Variants in DCDC1 observed in about 807,000 individuals in gnomAD.
DCDC1 encodes doublecortin domain-containing protein 1.
A neutral mutation model predicts 178.3 loss-of-function variants in DCDC1; 200 were observed. That is an observed-to-expected ratio of 1.12 (90% CI 1.00 to 1.26). The LOEUF (loss-of-function observed/expected upper bound fraction) is 1.26. Among genes scored for constraint, DCDC1 ranks in the 50% most tolerant of loss-of-function variants. The pLI is 0.00. For synonymous variants in DCDC1, 690 were observed against 604.8 expected, an observed-to-expected ratio of 1.14 and a Z score of -2.07; for missense variants, 1,983 against 1,749.2, an observed-to-expected ratio of 1.13 and a Z score of -2.38.
chr11:31,223,465 A>G (rs1974525815), intron 9 of DCDC1, among the ~76,000 whole-genome samples: 1 of 152,210 alleles, frequency 6.6e-6, no homozygotes, highest in Admixed American at 6.5e-5. Flanking sequence ...TGCATACTGC[A>G]TACTTTTTTC....
chr11:30,871,303 G>C (rs1220082906), intron 38 of DCDC1, among the ~76,000 whole-genome samples: 2 of 152,100 alleles, frequency 1.3e-5, no homozygotes, highest in Non-Finnish European at 2.9e-5. Flanking sequence ...GTCAAGAGCA[G>C]GAATGGCAGA....
At chr11:30,868,677 A>G (rs1373960150) in intron 38 of DCDC1, among the ~76,000 whole-genome samples, 1 of 152,106 alleles carries the variant, frequency 6.6e-6, no homozygotes, top group Non-Finnish European at 1.5e-5. Context: ...CTTGTTTGGA[A>G]ATCTTCTAAA....
intron 9 of DCDC1, among the ~76,000 whole-genome samples, chr11:31,188,920 C>T (rs752692083): frequency 6.6e-6 from 1 of 152,076 alleles, no homozygotes; most frequent in African/African-American, 2.4e-5. Flanking sequence ...GAGGGCTTTA[C>T]CCTCATGAAT....
At chr11:31,286,624 A>C (rs1390741113) in intron 7 of DCDC1, among the ~76,000 whole-genome samples, 1 of 152,088 alleles carries the variant, frequency 6.6e-6, no homozygotes, top group Non-Finnish European at 1.5e-5. Context: ...GATTTAGCAG[A>C]CCAGAAAAGT....
chr11:30,920,716 G>A (rs1946190427), intron 25 of DCDC1, 60 bp downstream of exon 25: 6 of 1,585,512 alleles, frequency 3.8e-6, no homozygotes, highest in Non-Finnish European at 4.3e-6. Context: ...CTGTTATCGG[G>A]CTAATGAGCT....
chr11:30,912,706 T>A (rs1309458032), intron 27 of DCDC1, among the ~76,000 whole-genome samples: 1 of 152,196 alleles, frequency 6.6e-6, no homozygotes, highest in Non-Finnish European at 1.5e-5. Flanking sequence ...AACCATACCT[T>A]TTTTAATGAG....
intron 7 of DCDC1, among the ~76,000 whole-genome samples, chr11:31,281,297 GAA>G (rs1456834327): frequency 6.6e-6 from 1 of 151,992 alleles, no homozygotes; most frequent in African/African-American, 2.4e-5. Context: ...AAGCTGAAAT[GAA>G]AAGAGAGGAC....
intron 3 of DCDC1, among the ~76,000 whole-genome samples, chr11:31,309,985 C>T (rs184049480): frequency 6.6e-6 from 1 of 152,050 alleles, no homozygotes; most frequent in African/African-American, 2.4e-5. Context: ...TTTTGTTTGT[C>T]ACACACATCT....
At chr11:31,154,131 A>G (rs1441306470) in intron 9 of DCDC1, among the ~76,000 whole-genome samples, 1 of 152,196 alleles carries the variant, frequency 6.6e-6, no homozygotes, top group Non-Finnish European at 1.5e-5. Flanking sequence ...CTGCTCCGGC[A>G]TGTGAAGAAG....
chr11:30,897,911 AC>A (rs1265984228), intron 34 of DCDC1, among the ~76,000 whole-genome samples: 1 of 152,196 alleles, frequency 6.6e-6, no homozygotes. Flanking sequence ...AAACCACATT[AC>A]CCTAGGCTTG....
intron 1 of DCDC1, among the ~76,000 whole-genome samples, chr11:31,350,536 A>T (rs1039651725): frequency 2.6e-5 from 4 of 152,106 alleles, no homozygotes; most frequent in African/African-American, 9.7e-5. Flanking sequence ...GGTAATTAAA[A>T]TTACTATTAA....
intron 33 of DCDC1, 48 bp from the exon 34 acceptor site, chr11:30,899,690 G>C: frequency 7.9e-7 from 1 of 1,273,106 alleles, no homozygotes; most frequent in African/African-American, 1.5e-5. Context: ...AATTTATCAC[G>C]CGCACCAATA....
chr11:31,208,437 T>C (rs916116306), intron 9 of DCDC1, among the ~76,000 whole-genome samples: 1 of 152,188 alleles, frequency 6.6e-6, no homozygotes, highest in Non-Finnish European at 1.5e-5. Context: ...ACTATAGAGT[T>C]CATGCAAATC....
Position 31,201,542 on chromosome 11 carries a change from C to G in DCDC1, c.1221+39908G>C, listed in dbSNP as rs545105090. ...AGAATAGCTTCTTAAAGTCTCTTGA[C>G]ATGTGTCATTTTCACCCAGTACCCT... On this transcript the variant is annotated intron_variant, in intron 9 of 38. Transcript: ENST00000684477. Among the ~76,000 whole-genome samples the G allele has an allele frequency of 6.3e-4, 95 of 151,884 alleles. 1 individual carries two copies. The highest frequency in any genetic ancestry group is 3.1e-4 in the Non-Finnish European group (21 of 67,958).
chr11:31,250,272 G>T (rs764352019), intron 8 of DCDC1, among the ~76,000 whole-genome samples: 1 of 146,774 alleles, frequency 6.8e-6, no homozygotes, highest in South Asian at 2.2e-4. Context: ...AAGTCAAAGA[G>T]AATTATATTA....
At chr11:31,080,086 G>A (rs1207527363) in intron 17 of DCDC1, among the ~76,000 whole-genome samples, 1 of 152,106 alleles carries the variant, frequency 6.6e-6, no homozygotes, top group Non-Finnish European at 1.5e-5. Flanking sequence ...AAGGTATTGG[G>A]GGAAGTTGTC....
intron 2 of DCDC1, among the ~76,000 whole-genome samples, chr11:31,329,386 G>T (rs578214027): frequency 1.5e-5 from 2 of 137,410 alleles, no homozygotes; most frequent in Non-Finnish European, 3.4e-5. Flanking sequence ...TTGGAGTCGG[G>T]ATTTTCCATT....
At chr11:31,279,017 G>C (rs1449272304) in intron 7 of DCDC1, among the ~76,000 whole-genome samples, 2 of 152,046 alleles carry the variant, frequency 1.3e-5, no homozygotes, top group African/African-American at 4.8e-5. Flanking sequence ...ATTTTGGTGA[G>C]TATTGTGATG....
At chr11:30,873,358 T>TAGAGAGAGAGAGAG (rs1185841948) in intron 38 of DCDC1, among the ~76,000 whole-genome samples, 19 of 138,046 alleles carry the variant, frequency 1.4e-4, no homozygotes, top group African/African-American at 4.8e-4. Flanking sequence ...TATATATATA[T>TAGAGAGAGAGAGAG]ATATATAGAG....
Sources: gnomAD v4.1 joint callset for allele counts (sites outside exome capture counted in the v4.1 genomes callset) on GRCh38, gnomAD v4.1.1 for gene constraint, MANE v1.5 for transcripts, NCBI Gene and HGNC (gene_info 2026-07-23, HGNC 2026-07-21) for gene names.